NTRK3: variants seen among roughly 807,000 people sequenced by gnomAD.
NTRK3 encodes NT-3 growth factor receptor.
In NTRK3, 24 loss-of-function variants were observed where a neutral mutation model predicts 91.7. The observed-to-expected ratio is 0.26, with a 90% CI of 0.19 to 0.37. The LOEUF (loss-of-function observed/expected upper bound fraction) is 0.37. Ranked by LOEUF, NTRK3 falls within the 10% of genes least tolerant of loss-of-function variation. NTRK3 has a pLI of 1.00. For synonymous variants in NTRK3, 483 were observed against 404.0 expected (o/e 1.20, Z -2.34); for missense variants, 880 against 1,068.9 (o/e 0.82, Z 2.46).
chr15:88,214,530 A>G (rs2049556944), intron 3 of NTRK3, among the ~76,000 whole-genome samples: 1 of 152,136 alleles, frequency 6.6e-6, no homozygotes. Context: ...ACACAGCCAC[A>G]TTCTGAGCTG....
At chr15:87,876,738 T>TATATA in exon 19 of NTRK3, 1 of 412,076 alleles carries the variant, frequency 2.4e-6, no homozygotes, top group Non-Finnish European at 4.5e-6. Context: ...TATATATATA[T>TATATA]TTGCCAAACT....
chr15:88,057,098 G>A lies in NTRK3; in HGVS notation c.1397-24053C>T, dbSNP rs556858286. ...GCAGGAGAATGGCGTGAACCCGGGA[G>A]GCGGAGCTTGCAGTGAGTCGAGATC... On this transcript the variant is annotated intron_variant, in intron 13 of 18. Coordinates refer to ENST00000394480, the Ensembl canonical transcript of NTRK3. 6.0e-3 allele frequency among the ~76,000 whole-genome samples: 903 copies of A among 150,690 alleles called. 6 individuals carry two copies. Among genetic ancestry groups the A allele is most frequent in the Non-Finnish European group, 0.011 (723 of 67,686 alleles).
intron 17 of NTRK3, among the ~76,000 whole-genome samples, chr15:87,922,445 C>T (rs2067953213): frequency 6.6e-6 from 1 of 152,212 alleles, no homozygotes; most frequent in Non-Finnish European, 1.5e-5. Flanking sequence ...CATATTGTTA[C>T]AGTCCCTGGA....
chr15:88,168,298 C>G lies in NTRK3; in HGVS notation c.395+15120G>C, dbSNP rs116566389. 6.5e-3 allele frequency among the ~76,000 whole-genome samples: 993 copies of G among 151,946 alleles called. 13 individuals carry two copies. Among genetic ancestry groups the G allele is most frequent in the African/African-American group, 0.023 (938 of 41,392 alleles). On this transcript the variant is annotated intron_variant, in intron 5 of 18. Coordinates refer to ENST00000394480, the Ensembl canonical transcript of NTRK3. The stretch of plus-strand genomic sequence containing the variant: ...TCCTAGTCACTGCTAGGGGGTCTTC[C>G]AGAGATTTCTGAGGGCCAAGCAGAG...
intron 14 of NTRK3, chr15:87,981,140 T>G (rs2074225453): frequency 2.6e-6 from 4 of 1,547,592 alleles, no homozygotes; most frequent in East Asian, 4.9e-5. Flanking sequence ...ATATGGAGGC[T>G]TGATGAGTCT....
intron 6 of NTRK3, 67 bp from the exon 7 acceptor site, chr15:88,137,628 ATG>A: frequency 6.4e-7 from 1 of 1,566,668 alleles, no homozygotes; most frequent in Non-Finnish European, 8.7e-7. Flanking sequence ...TCCCAGGGCT[ATG>A]AGGACAAGGG....
intron 14 of NTRK3, among the ~76,000 whole-genome samples, chr15:88,010,877 T>C (rs567959810): frequency 2.0e-5 from 3 of 152,074 alleles, no homozygotes; most frequent in Admixed American, 2.0e-4. Context: ...CACCACATCA[T>C]GCATTCACAG....
chr15:87,988,968 G>A (rs2199358), intron 14 of NTRK3, among the ~76,000 whole-genome samples: 131,858 of 151,996 alleles, frequency 0.87, 57,639 homozygotes, highest in East Asian at 1. Flanking sequence ...CCCAGGCTGG[G>A]GTGCAGTGGT....
chr15:87,875,371 C>T (rs1415744743), exon 19 of NTRK3: 3 of 231,160 alleles, frequency 1.3e-5, no homozygotes, highest in Non-Finnish European at 1.7e-5. Flanking sequence ...GCCCAGAGGT[C>T]GGCCCCACTG....
intron 14 of NTRK3, among the ~76,000 whole-genome samples, chr15:87,953,960 G>C (rs1191853870): frequency 2.6e-5 from 4 of 151,444 alleles, no homozygotes; most frequent in Non-Finnish European, 5.9e-5. Flanking sequence ...TTGCCAGCCT[G>C]TTCTTTGCTG....
chr15:87,957,915 G>A (rs764384980), intron 14 of NTRK3, among the ~76,000 whole-genome samples: 1 of 152,214 alleles, frequency 6.6e-6, no homozygotes, highest in South Asian at 2.1e-4. Context: ...GGACCTTAGA[G>A]TGTAGTGGCT....
chr15:87,874,533 TCTC>T (rs2141422968), exon 19 of NTRK3: 1 of 233,372 alleles, frequency 4.3e-6, no homozygotes, highest in South Asian at 1.8e-4. Flanking sequence ...ACCCAGTTCT[TCTC>T]CTGCTTCTTC....
chr15:88,013,104 A>C (rs11631576), intron 14 of NTRK3, among the ~76,000 whole-genome samples: 25,161 of 32,534 alleles, frequency 0.77, 8,938 homozygotes, highest in South Asian at 0.84. Flanking sequence ...ACTGGTAAAG[A>C]CCCACTACCA....
At chr15:88,229,439 T>C (rs2050978050) in intron 3 of NTRK3, among the ~76,000 whole-genome samples, 1 of 152,176 alleles carries the variant, frequency 6.6e-6, no homozygotes, top group Non-Finnish European at 1.5e-5. Flanking sequence ...GGAAAGACCA[T>C]CCACTTTACT....
rs74464431 is a variant in NTRK3 at position 88,074,807 on chromosome 15, C to T, written c.1397-41762G>A. ...TGACAGACCTAGTCAGAAAGCAACG[C>T]CGGTCCTTAAATCGTGCTATCTTTA... On this transcript the variant is annotated intron_variant, in intron 13 of 18. Transcript: ENST00000394480. Among the ~76,000 whole-genome samples the T allele has an allele frequency of 8.1e-3, 1,227 of 152,306 alleles. 13 individuals carry two copies. Among genetic ancestry groups the T allele is most frequent in the African/African-American group, 0.026 (1,082 of 41,560 alleles).
At chr15:88,178,956 A>G (rs1267872502) in intron 5 of NTRK3, among the ~76,000 whole-genome samples, 2 of 152,232 alleles carry the variant, frequency 1.3e-5, no homozygotes, top group African/African-American at 2.4e-5. Context: ...GGGACGTAAA[A>G]AAGTACACGG....
At chr15:88,197,812 G>A (rs969406713) in intron 3 of NTRK3, among the ~76,000 whole-genome samples, 8 of 152,246 alleles carry the variant, frequency 5.3e-5, no homozygotes, top group African/African-American at 1.7e-4. Context: ...AAATCCACCT[G>A]CCAGGCATCA....
exon 19 of NTRK3, chr15:87,862,105 G>T (rs1258564524): frequency 4.6e-6 from 1 of 217,222 alleles, no homozygotes; most frequent in Non-Finnish European, 9.3e-6. Flanking sequence ...TCTAACAGAG[G>T]TGTTGGATGC....
At position 88,071,016 on chromosome 15, in the gene NTRK3, G is replaced by A. The variant is rs1055314317; in HGVS notation, c.1397-37971C>T. On this transcript the variant is annotated intron_variant, in intron 13 of 18. Coordinates refer to ENST00000394480, the Ensembl canonical transcript of NTRK3. Reference sequence around the variant, plus strand: ...AGAGACATCAGCCTGGGCCTGGAATGATTTTTTTCTCTTGCTGTAGTAATG... The same window carrying A: ...AGAGACATCAGCCTGGGCCTGGAATAATTTTTTTCTCTTGCTGTAGTAATG... 3.3e-5 allele frequency among the ~76,000 whole-genome samples: 5 copies of A among 152,206 alleles called. No individual in the cohort carries two copies. In the East Asian group the frequency reaches 9.6e-4, roughly 29 times the overall value.
Sources: allele counts gnomAD v4.1 joint callset (sites outside exome capture counted in the v4.1 genomes callset), GRCh38; gene constraint gnomAD v4.1.1; transcripts MANE v1.5; gene names NCBI Gene and HGNC (gene_info 2026-07-23, HGNC 2026-07-21).